Variants in PSEN1 observed in about 807,000 individuals in gnomAD.
The protein encoded by PSEN1 is presenilin 1.
A neutral mutation model predicts 53.5 loss-of-function variants in PSEN1; 15 were observed. The observed-to-expected ratio is 0.28, with a 90% CI of 0.19 to 0.43. The LOEUF (loss-of-function observed/expected upper bound fraction) is 0.43. Among genes scored for constraint, PSEN1 ranks in the 20% least tolerant of loss-of-function variants. PSEN1 has a pLI of 1.00. For missense variants in PSEN1, 387 were observed against 571.2 expected, an observed-to-expected ratio of 0.68 and a Z score of 3.29; for synonymous variants, 208 against 209.8, an observed-to-expected ratio of 0.99 and a Z score of 0.08.
intron 9 of PSEN1, among the ~76,000 whole-genome samples, chr14:73,208,385 G>A (rs1459117407): frequency 6.6e-6 from 1 of 152,222 alleles, no homozygotes; most frequent in African/African-American, 2.4e-5. Flanking sequence ...GACCCTATCT[G>A]CAGGCAGGTC....
intron 3 of PSEN1, among the ~76,000 whole-genome samples, chr14:73,163,867 A>G (rs1348525119): frequency 1.3e-5 from 2 of 152,192 alleles, no homozygotes; most frequent in African/African-American, 4.8e-5. Context: ...TTTTGTTATG[A>G]GCATGACAAG....
At chr14:73,167,988 A>G (rs1278696162) in intron 3 of PSEN1, 1 of 152,188 alleles carries the variant, frequency 6.6e-6, no homozygotes, top group Non-Finnish European at 1.5e-5. Flanking sequence ...AAGTGAAAAC[A>G]GCTAACCCCA....
intron 3 of PSEN1, among the ~76,000 whole-genome samples, chr14:73,165,171 G>T (rs1897671746): frequency 6.6e-6 from 1 of 152,004 alleles, no homozygotes; most frequent in African/African-American, 2.4e-5. Context: ...GGCCAGGCTG[G>T]TCTTGAACTC....
intron 1 of PSEN1, among the ~76,000 whole-genome samples, chr14:73,147,017 G>A (rs1371382096): frequency 1.3e-5 from 2 of 151,942 alleles, no homozygotes; most frequent in Non-Finnish European, 2.9e-5. Context: ...GGAGAGGTCT[G>A]AGGCTGGGAG....
chr14:73,139,278 G>GTT (rs951834299), intron 1 of PSEN1: 3 of 142,072 alleles, frequency 2.1e-5, no homozygotes, highest in East Asian at 2.1e-4. Context: ...GTGAGACTTC[G>GTT]TTTTTTTTTT....
chr14:73,147,706 A>G, intron 1 of PSEN1, 89 bp from the exon 2 acceptor site: 1 of 365,692 alleles, frequency 2.7e-6, no homozygotes, highest in South Asian at 2.4e-5. Context: ...TTCCTGGTTT[A>G]CAAATTGGTC....
intron 11 of PSEN1, among the ~76,000 whole-genome samples, chr14:73,218,334 GCCTC>G (rs1165275445): frequency 6.6e-6 from 1 of 152,002 alleles, no homozygotes; most frequent in Non-Finnish European, 1.5e-5. Flanking sequence ...TGATCTGCCT[GCCTC>G]AGCCGCATAA....
intron 5 of PSEN1, among the ~76,000 whole-genome samples, chr14:73,179,544 G>A (rs1898144687): frequency 6.6e-6 from 1 of 152,152 alleles, no homozygotes; most frequent in South Asian, 2.1e-4. Flanking sequence ...TTGAACCCGG[G>A]AGGCAGAGGT....
In PSEN1 at chr14:73,151,894, ATTTTTTTTTTTTTTT is replaced by A. The variant is rs56754992; in HGVS notation, c.87+3809_87+3823del. On this transcript the variant is annotated intron_variant, in intron 3 of 11. Transcript: ENST00000324501. Reference sequence around the variant, plus strand: ...TAAAATATTTTATATATATATATATATTTTTTTTTTTTTTTTTTTTTTTTTTTTTTTTTTTGAGAC... The same window carrying A: ...TAAAATATTTTATATATATATATATATTTTTTTTTTTTTTTTTTTTGAGAC... Among the ~76,000 whole-genome samples the A allele has an allele frequency of 1.2e-3, 47 of 38,976 alleles. 1 individual carries two copies. The highest frequency in any genetic ancestry group is 8.5e-3 in the Admixed American group (17 of 2,000). 25.6% of individuals were successfully genotyped at this position (38,976 alleles called of 152,430 possible).
At chr14:73,173,503 G>A (rs1897951559) in intron 4 of PSEN1, 63 bp from the exon 5 acceptor site, 4 of 1,497,782 alleles carry the variant, frequency 2.7e-6, no homozygotes, top group Non-Finnish European at 3.7e-6. Context: ...TGTTGGAGGT[G>A]GTAATGTGGT....
intron 5 of PSEN1, among the ~76,000 whole-genome samples, chr14:73,184,380 C>T (rs1485744607): frequency 4.1e-5 from 5 of 120,692 alleles, no homozygotes; most frequent in Admixed American, 1.6e-4. Flanking sequence ...GGCGGCTGGC[C>T]GGGCGGGGGG....
At chr14:73,162,084 C>A (rs1441057485) in intron 3 of PSEN1, among the ~76,000 whole-genome samples, 1 of 149,032 alleles carries the variant, frequency 6.7e-6, no homozygotes, top group Non-Finnish European at 1.5e-5. Context: ...GAGACTGAGG[C>A]AGGAGAATCA....
intron 8 of PSEN1, among the ~76,000 whole-genome samples, chr14:73,199,307 GAA>G (rs1899082153): frequency 2.0e-5 from 3 of 152,164 alleles, no homozygotes; most frequent in African/African-American, 7.2e-5. Context: ...AAGCAGAAGA[GAA>G]GAGGAAGACA....
intron 9 of PSEN1, among the ~76,000 whole-genome samples, chr14:73,209,699 G>A (rs1217964691): frequency 6.6e-6 from 1 of 152,168 alleles, no homozygotes; most frequent in African/African-American, 2.4e-5. Context: ...TATAATAGGG[G>A]AATTTTACGT....
chr14:73,165,772 G>A (rs1331554670), intron 3 of PSEN1, among the ~76,000 whole-genome samples: 3 of 141,230 alleles, frequency 2.1e-5, no homozygotes, highest in African/African-American at 7.9e-5. Flanking sequence ...AAAAGGTAGT[G>A]TGTGGCCGGG....
chr14:73,187,329 A>G (rs1898555030), intron 6 of PSEN1, among the ~76,000 whole-genome samples: 1 of 152,212 alleles, frequency 6.6e-6, no homozygotes, highest in Non-Finnish European at 1.5e-5. Flanking sequence ...ATTTTCATAT[A>G]TAATATAGAA....
intron 10 of PSEN1, among the ~76,000 whole-genome samples, chr14:73,214,535 A>G (rs1390952840): frequency 6.6e-6 from 1 of 151,916 alleles, no homozygotes; most frequent in East Asian, 1.9e-4. Context: ...CATCTCAAAA[A>G]AAAAAAAAAA....
At chr14:73,151,066 TAA>T (rs879285376) in intron 3 of PSEN1, among the ~76,000 whole-genome samples, 1 of 142,026 alleles carries the variant, frequency 7.0e-6, no homozygotes. Context: ...AGACTCCATC[TAA>T]AAAAAAAAAC....
intron 10 of PSEN1, among the ~76,000 whole-genome samples, chr14:73,212,624 G>T (rs1280401087): frequency 6.6e-6 from 1 of 152,144 alleles, no homozygotes; most frequent in Non-Finnish European, 1.5e-5. Flanking sequence ...TTGTTGACAA[G>T]TGCTATATTT....
Sources: allele counts gnomAD v4.1 joint callset (sites outside exome capture counted in the v4.1 genomes callset), GRCh38; gene constraint gnomAD v4.1.1; transcripts MANE v1.5; gene names NCBI Gene and HGNC (gene_info 2026-07-23, HGNC 2026-07-21).